CCDC102B: variants seen among roughly 807,000 people sequenced by gnomAD.
CCDC102B encodes coiled-coil domain-containing protein 102B.
CCDC102B carries 75 observed loss-of-function variants against 57.4 expected under a neutral mutation model. The observed-to-expected ratio is 1.31, with a 90% confidence interval of 1.08 to 1.58. The LOEUF is 1.58. CCDC102B is among the 40% of genes most tolerant of loss of function. The probability of loss-of-function intolerance (pLI) is 0.00; values close to 1 mark genes in which losing one functional copy is unlikely to be tolerated. For synonymous variants in CCDC102B, 206 were observed against 201.9 expected (o/e 1.02, Z -0.17); for missense variants, 636 against 582.6 (o/e 1.09, Z -0.94).
At chr18:68,858,753 G>T (rs115964482) in intron 4 of CCDC102B, among the ~76,000 whole-genome samples, 1,778 of 152,198 alleles carry the variant, frequency 0.012, 38 homozygotes, top group African/African-American at 0.04. Context: ...CACAGAGAAA[G>T]GGAGAAATAG....
Position 68,945,122 on chromosome 18 carries a change from CCA to C in CCDC102B, c.1263+47720_1263+47721del, listed in dbSNP as rs34611934. 6.3e-3 allele frequency among the ~76,000 whole-genome samples: 903 copies of C among 144,018 alleles called. 1 individual carries two copies. The highest frequency in any genetic ancestry group is 0.01 in the Non-Finnish European group (684 of 66,086). 94.5% of individuals were successfully genotyped at this position (144,018 alleles called of 152,430 possible). On this transcript the variant is annotated intron_variant, in intron 6 of 7. Coordinates refer to ENST00000360242, the MANE Select transcript of CCDC102B (RefSeq NM_024781.3). ...TCTCTCTCTCTCTGTCTCTCTCTCTCCACACACACACACACACACACACACAC... is the reference window on the plus strand; with the variant it reads ...TCTCTCTCTCTCTGTCTCTCTCTCTCCACACACACACACACACACACACAC...
chr18:68,943,582 TACGCACAATAAAG>T (rs2049447254), intron 6 of CCDC102B, among the ~76,000 whole-genome samples: 1 of 152,158 alleles, frequency 6.6e-6, no homozygotes, highest in Non-Finnish European at 1.5e-5. Flanking sequence ...CATTTTGAGT[TACGCACAATAAAG>T]ACGTTGTTCA....
At chr18:68,913,641 T>A (rs1217404646) in intron 6 of CCDC102B, among the ~76,000 whole-genome samples, 1 of 131,702 alleles carries the variant, frequency 7.6e-6, no homozygotes, top group East Asian at 2.3e-4. Context: ...GGTAACAGAG[T>A]GACACTCGGT....
intron 2 of CCDC102B, among the ~76,000 whole-genome samples, chr18:68,760,502 A>G (rs1396511008): frequency 6.6e-6 from 1 of 152,134 alleles, no homozygotes. Flanking sequence ...CTTTTGTTGT[A>G]CCAGGTGTCA....
chr18:68,954,625 C>T (rs1355476788), intron 6 of CCDC102B, among the ~76,000 whole-genome samples: 1 of 152,126 alleles, frequency 6.6e-6, no homozygotes, highest in East Asian at 1.9e-4. Context: ...CAGGTGACAC[C>T]TGAAGAAATC....
chr18:68,886,385 A>T (rs1289436592), intron 5 of CCDC102B, among the ~76,000 whole-genome samples: 1 of 152,072 alleles, frequency 6.6e-6, no homozygotes, highest in East Asian at 1.9e-4. Flanking sequence ...TGAAAAAAAA[A>T]TTTTCAGTAA....
At chr18:69,055,534 T>G (rs1026488778), downstream of CCDC102B, among the ~76,000 whole-genome samples, 1 of 152,058 alleles carries the variant, frequency 6.6e-6, no homozygotes, top group Non-Finnish European at 1.5e-5. Context: ...GATGGAGCCT[T>G]GAGGATGGGC....
chr18:68,845,464 A>T (rs979698592), intron 3 of CCDC102B, among the ~76,000 whole-genome samples: 1 of 151,794 alleles, frequency 6.6e-6, no homozygotes, highest in African/African-American at 2.4e-5. Context: ...TGTTTCTATC[A>T]TCTCTGCTAA....
At chr18:68,743,662 T>C (rs1379461129) in intron 2 of CCDC102B, among the ~76,000 whole-genome samples, 1 of 152,194 alleles carries the variant, frequency 6.6e-6, no homozygotes, top group Non-Finnish European at 1.5e-5. Flanking sequence ...TGGAGTCTTG[T>C]CCTTTCAGAT....
At chr18:68,730,762 A>G (rs193049018) in intron 2 of CCDC102B, among the ~76,000 whole-genome samples, 4 of 152,358 alleles carry the variant, frequency 2.6e-5, no homozygotes, top group African/African-American at 4.8e-5. Context: ...GTCACACTTA[A>G]GAAGTCAATC....
intron 1 of CCDC102B, among the ~76,000 whole-genome samples, chr18:68,810,807 A>G (rs549306160): frequency 7.4e-5 from 11 of 149,312 alleles, no homozygotes; most frequent in South Asian, 6.3e-4. Flanking sequence ...CATCTTCTAC[A>G]TTAGGTATTT....
At position 68,743,760 on chromosome 18, in the gene CCDC102B, A is replaced by T. The variant is rs76123175; in HGVS notation, c.-67+27166A>T. On this transcript the variant is annotated intron_variant, in intron 2 of 3. Coordinates refer to the CCDC102B transcript ENST00000578970. ...TTTGTGGTCTGAAGACACTTCAGTC[A>T]TTTCAATGAGTGATTGCCTAGCTTG... is the stretch of plus-strand genomic sequence containing the variant. Among the ~76,000 whole-genome samples, 150 of 152,322 alleles carry T rather than the reference A, an allele frequency of 9.8e-4. 1 individual carries two copies. The East Asian group carries it at 0.019, about 19-fold the overall frequency.
chr18:68,834,198 C>G (rs960827931), intron 1 of CCDC102B, among the ~76,000 whole-genome samples: 1 of 151,896 alleles, frequency 6.6e-6, no homozygotes, highest in African/African-American at 2.4e-5. Context: ...GGCAAGATCT[C>G]AATGTACCAG....
At chr18:68,994,920 G>C (rs1409321915) in intron 6 of CCDC102B, among the ~76,000 whole-genome samples, 1 of 152,212 alleles carries the variant, frequency 6.6e-6, no homozygotes, top group East Asian at 1.9e-4. Flanking sequence ...GCAGAAGTTG[G>C]AACAGTTTGG....
intron 6 of CCDC102B, among the ~76,000 whole-genome samples, chr18:68,998,598 T>TCCG (rs752377758): frequency 0.86 from 129,852 of 151,438 alleles, 57,627 homozygotes; most frequent in Non-Finnish European, 0.97. Context: ...ACCCCCAAAG[T>TCCG]AGGGAAGCCA....
intron 4 of CCDC102B, among the ~76,000 whole-genome samples, chr18:68,856,059 T>C (rs1045180336): frequency 6.6e-6 from 1 of 152,182 alleles, no homozygotes; most frequent in African/African-American, 2.4e-5. Context: ...ATGTAAGATC[T>C]TTCATTGTGA....
At position 68,827,095 on chromosome 18, in the gene CCDC102B, G is replaced by T. The variant is rs575548761; in HGVS notation, c.-15-9654G>T. 9.6e-4 allele frequency among the ~76,000 whole-genome samples: 146 copies of T among 151,996 alleles called. 1 individual carries two copies. The highest frequency in any genetic ancestry group is 1.5e-3 in the Non-Finnish European group (105 of 67,944). On this transcript the variant is annotated intron_variant, in intron 1 of 7. Coordinates refer to ENST00000360242, the MANE Select transcript of CCDC102B (RefSeq NM_024781.3). ...CTGGTAAAACTATCCTTTGGGGAAT[G>T]AATGGAAAGTAAAGACACCAGATCA... is the stretch of plus-strand genomic sequence containing the variant.
chr18:68,972,325 T>A (rs1314784738), intron 6 of CCDC102B, among the ~76,000 whole-genome samples: 1 of 152,158 alleles, frequency 6.6e-6, no homozygotes, highest in African/African-American at 2.4e-5. Flanking sequence ...TTCTGGTGGA[T>A]CTGCATGACT....
chr18:68,727,902 A>C (rs2032672071), intron 2 of CCDC102B, among the ~76,000 whole-genome samples: 1 of 152,198 alleles, frequency 6.6e-6, no homozygotes, highest in African/African-American at 2.4e-5. Context: ...ATGGACTTTC[A>C]ATTTGGTCTA....
Sources: gnomAD v4.1 joint callset for allele counts (sites outside exome capture counted in the v4.1 genomes callset) on GRCh38, gnomAD v4.1.1 for gene constraint, MANE v1.5 for transcripts, NCBI Gene and HGNC (gene_info 2026-07-23, HGNC 2026-07-21) for gene names.